The following TDRD10 variants were observed in gnomAD, a reference collection of about 807,000 sequenced individuals.
The protein encoded by TDRD10 is tudor domain-containing protein 10.
TDRD10 carries 40 observed loss-of-function variants against 48.0 expected under a neutral mutation model. The observed-to-expected ratio is 0.83, with a 90% CI of 0.65 to 1.09. The LOEUF is 1.09. TDRD10 is among the 50% of genes least tolerant of loss of function. TDRD10 has a pLI of 0.00. For synonymous variants in TDRD10, 162 were observed against 170.4 expected, an observed-to-expected ratio of 0.95 and a Z score of 0.38; for missense variants, 378 against 434.7, an observed-to-expected ratio of 0.87 and a Z score of 1.16.
chr1:154,543,825 G>A (rs994243660), intron 8 of TDRD10, 138 bp from the exon 9 acceptor site: 2 of 1,312,224 alleles, frequency 1.5e-6, no homozygotes, highest in Non-Finnish European at 2.1e-6. Context: ...CCCTAGAGGG[G>A]GTGGGCACAG....
At chr1:154,536,098 C>T (rs1475495509) in intron 6 of TDRD10, among the ~76,000 whole-genome samples, 1 of 152,234 alleles carries the variant, frequency 6.6e-6, no homozygotes, top group Non-Finnish European at 1.5e-5. Flanking sequence ...AGGTTGCAGG[C>T]CGGGCGCAGT....
chr1:154,540,338 A>G (rs1451131128), intron 6 of TDRD10, among the ~76,000 whole-genome samples: 2 of 151,306 alleles, frequency 1.3e-5, no homozygotes, highest in Non-Finnish European at 2.9e-5. Context: ...TGACGTAGGG[A>G]GCTTGGGAGA....
intron 6 of TDRD10, chr1:154,534,541 A>G (rs1694818478): frequency 6.6e-6 from 1 of 152,268 alleles, no homozygotes; most frequent in Non-Finnish European, 1.5e-5. Context: ...CCATCCTGGT[A>G]GAACTATCCG....
chr1:154,505,675 A>G (rs1693108968), intron 1 of TDRD10, among the ~76,000 whole-genome samples: 1 of 152,222 alleles, frequency 6.6e-6, no homozygotes. Flanking sequence ...AAAGAGAACC[A>G]ATGCTTTGGA....
chr1:154,541,093 T>C (rs1695203234), intron 6 of TDRD10, among the ~76,000 whole-genome samples: 2 of 151,876 alleles, frequency 1.3e-5, no homozygotes, highest in African/African-American at 4.8e-5. Context: ...GAAGCAGGAA[T>C]TGGGGGAGCT....
chr1:154,524,941 T>A (rs1220215444), intron 6 of TDRD10, among the ~76,000 whole-genome samples: 1 of 152,210 alleles, frequency 6.6e-6, no homozygotes, highest in Non-Finnish European at 1.5e-5. Context: ...GTGTGGCTCC[T>A]TCCTCTCTGG....
At chr1:154,530,997 C>G (rs1286211262) in intron 6 of TDRD10, among the ~76,000 whole-genome samples, 1 of 151,898 alleles carries the variant, frequency 6.6e-6, no homozygotes, top group African/African-American at 2.4e-5. Context: ...TGCCACCACG[C>G]CCAACTAATT....
At chr1:154,545,276 C>T (rs1361079790) in intron 11 of TDRD10, among the ~76,000 whole-genome samples, 7 of 152,158 alleles carry the variant, frequency 4.6e-5, no homozygotes, top group Non-Finnish European at 8.8e-5. Context: ...ACATACTTGG[C>T]GTGTTGCTTC....
chr1:154,545,065 T>C, intron 11 of TDRD10, 116 bp downstream of exon 11: 5 of 1,383,410 alleles, frequency 3.6e-6, no homozygotes, highest in Admixed American at 2.3e-5. Context: ...CAGTCTCTCT[T>C]TCCACCCAAC....
rs747990544 is a variant in TDRD10, at chr1:154,521,369, A to T, written c.259A>T (p.Ile87Phe). The T allele has an allele frequency of 1.2e-6, 2 of 1,614,156 alleles. No homozygotes were observed. Among genetic ancestry groups the T allele is most frequent in the Non-Finnish European group, 1.7e-6 (2 of 1,180,028 alleles). Residue 87 changes from isoleucine to phenylalanine, a missense_variant, in exon 6 of 13, where the codon ATC becomes TTC. This residue lies in a region of TDRD10 where 310 missense variants were observed against 323.6 expected (regional missense o/e 0.96). Coordinates refer to ENST00000368482, the MANE Select transcript of TDRD10 (RefSeq NM_182499.4). ...CTCCATGCAGAAAGTGACACTTGCA[A>T]TCCAGGAGCTGAATGGTAAACTCTT... The part of the protein sequence containing the change: ...LGSMQKVTLA[I>F]QELNGKLFHK...
At chr1:154,511,298 G>T (rs1693457531) in intron 4 of TDRD10, among the ~76,000 whole-genome samples, 1 of 151,046 alleles carries the variant, frequency 6.6e-6, no homozygotes, top group African/African-American at 2.4e-5. Context: ...TAGAGATGGG[G>T]TCTCACCATG....
chr1:154,542,215 A>ATGCT (rs935778087), intron 7 of TDRD10, 149 bp downstream of exon 7: 3 of 779,914 alleles, frequency 3.8e-6, no homozygotes, highest in African/African-American at 1.8e-5. Flanking sequence ...TTCCTCTAGG[A>ATGCT]TGCTTGCTTG....
intron 4 of TDRD10, among the ~76,000 whole-genome samples, chr1:154,516,980 C>T (rs999750506): frequency 3.3e-5 from 5 of 152,034 alleles, no homozygotes; most frequent in East Asian, 1.9e-4. Flanking sequence ...ATTGTAGGTT[C>T]GGGTGGGACA....
At chr1:154,541,879 A>C in intron 6 of TDRD10, 145 bp from the exon 7 acceptor site, 1 of 687,508 alleles carries the variant, frequency 1.5e-6, no homozygotes, top group Non-Finnish European at 2.5e-6. Flanking sequence ...GAGTGGACGG[A>C]TGTCTCAAAA....
rs779443554 is a variant in TDRD10 at position 154,507,330 on chromosome 1, G to A, written c.82+10G>A. The A allele has an allele frequency of 1.6e-5, 26 of 1,613,818 alleles. No individual in the cohort carries two copies. In the South Asian group the frequency reaches 2.7e-4, roughly 17 times the overall value. On this transcript the variant is annotated intron_variant, in intron 3 of 12. Transcript: ENST00000368482. ...GAGCAGAAATCTCCAGGTAAGTTAG[G>A]CTGGGGGATTCGCTGGTGCTGGGAC...
chr1:154,510,321 G>A (rs1035684602), intron 4 of TDRD10, among the ~76,000 whole-genome samples: 2 of 152,054 alleles, frequency 1.3e-5, no homozygotes, highest in Admixed American at 6.6e-5. Context: ...GGCTGGGTGC[G>A]GTCGTTCATG....
At position 154,533,901 on chromosome 1, in the gene TDRD10, T is replaced by A. The variant is rs868593368; in HGVS notation, c.370-8123T>A. On this transcript the variant is annotated intron_variant, in intron 6 of 12. Transcript: ENST00000368482. ...TATATATATATATATATATTTTTTT[T>A]TAATTTTCTATTGTTTGTAGAGATG... Among the ~76,000 whole-genome samples the A allele has an allele frequency of 3.7e-3, 440 of 119,486 alleles. 3 individuals carry two copies. Among genetic ancestry groups the A allele is most frequent in the African/African-American group, 0.012 (383 of 31,616 alleles). 78.4% of individuals were successfully genotyped at this position (119,486 alleles called of 152,430 possible).
At chr1:154,532,478 G>A (rs10908847) in intron 6 of TDRD10, among the ~76,000 whole-genome samples, 76,826 of 151,980 alleles carry the variant, frequency 0.51, 22,562 homozygotes, top group East Asian at 0.76. Flanking sequence ...CCTGCAAGCC[G>A]AGGGAGCCAG....
At chr1:154,522,252 C>T (rs1694098246) in intron 6 of TDRD10, among the ~76,000 whole-genome samples, 1 of 152,252 alleles carries the variant, frequency 6.6e-6, no homozygotes, top group South Asian at 2.1e-4. Context: ...CCTGTGTCCT[C>T]TTAAAAGGTG....
Sources: allele counts gnomAD v4.1 joint callset (sites outside exome capture counted in the v4.1 genomes callset), GRCh38; gene constraint gnomAD v4.1.1; regional missense constraint gnomAD v4.1.1; transcripts MANE v1.5; gene names NCBI Gene and HGNC (gene_info 2026-07-23, HGNC 2026-07-21).